The following ARHGEF10 variants were observed in gnomAD, a reference collection of about 807,000 sequenced individuals.
ARHGEF10 encodes Rho guanine nucleotide exchange factor 10, also known as Rho guanine nucleotide exchange factor (GEF) 10.
Under a neutral mutation model 147.4 loss-of-function variants are expected in ARHGEF10, and 140 were observed. The observed-to-expected ratio is 0.95, with a 90% CI of 0.83 to 1.09. The LOEUF (loss-of-function observed/expected upper bound fraction) is 1.09, where lower values mean the gene tolerates loss of function less well. ARHGEF10 is among the 50% of genes least tolerant of loss of function. The pLI, the probability that ARHGEF10 is intolerant of heterozygous loss-of-function variation, is 0.00. For missense variants in ARHGEF10, 2,222 were observed against 1,752.7 expected (o/e 1.27, Z -4.78); for synonymous variants, 902 against 695.8 (o/e 1.30, Z -4.67).
At chr8:1,863,474 G>C (rs1806321236) in intron 4 of ARHGEF10, among the ~76,000 whole-genome samples, 1 of 152,240 alleles carries the variant, frequency 6.6e-6, no homozygotes, top group South Asian at 2.1e-4. Context: ...TTTAGAAAGT[G>C]TTTCATGGAC....
At chr8:1,903,603 G>C (rs769343010) in intron 16 of ARHGEF10, 152 bp downstream of exon 16, 2 of 888,634 alleles carry the variant, frequency 2.3e-6, no homozygotes, top group South Asian at 3.1e-5. Flanking sequence ...GCCTTCGGGA[G>C]AGTCACACCA....
chr8:1,929,781 C>T (rs537863591), intron 25 of ARHGEF10, among the ~76,000 whole-genome samples: 1 of 152,314 alleles, frequency 6.6e-6, no homozygotes, highest in East Asian at 1.9e-4. Flanking sequence ...AGCCTGCCCG[C>T]CCGGCGGGGC....
intron 18 of ARHGEF10, among the ~76,000 whole-genome samples, chr8:1,921,722 C>G (rs138163814): frequency 6.9e-6 from 1 of 144,248 alleles, no homozygotes; most frequent in Non-Finnish European, 1.5e-5. Context: ...GGGACAAGAG[C>G]GACACTTCGT....
chr8:1,922,310 A>C (rs1812356505), intron 18 of ARHGEF10, among the ~76,000 whole-genome samples: 2 of 151,820 alleles, frequency 1.3e-5, no homozygotes, highest in South Asian at 4.2e-4. Context: ...TGGGGAACTC[A>C]TTTTCATGGT....
At chr8:1,849,269 G>A (rs1804789728) in intron 2 of ARHGEF10, among the ~76,000 whole-genome samples, 1 of 151,878 alleles carries the variant, frequency 6.6e-6, no homozygotes, top group East Asian at 1.9e-4. Flanking sequence ...ATGCTGAGAA[G>A]GGCGTAGGGC....
At chr8:1,953,047 T>A (rs1815183181) in intron 28 of ARHGEF10, among the ~76,000 whole-genome samples, 1 of 152,290 alleles carries the variant, frequency 6.6e-6, no homozygotes, top group African/African-American at 2.4e-5. Context: ...AATCTTATGT[T>A]TTTATATTCT....
chr8:1,832,985 GAGACAGAGGCAGAGAC>G (rs1803301216), intron 1 of ARHGEF10, among the ~76,000 whole-genome samples: 2 of 106,348 alleles, frequency 1.9e-5, no homozygotes, highest in African/African-American at 3.7e-5. Context: ...GAGAGAGACA[GAGACAGAGGCAGAGAC>G]AGGCAGAGAG....
chr8:1,894,967 G>C (rs1481311004), intron 13 of ARHGEF10, among the ~76,000 whole-genome samples: 1 of 152,196 alleles, frequency 6.6e-6, no homozygotes, highest in Admixed American at 6.5e-5. Flanking sequence ...TCCTGATCTA[G>C]GTGTCACTTT....
rs997239892 is a variant in ARHGEF10, at chr8:1,957,397, G to A, written c.*134G>A. ...AAAACAGTATTTGGGGGAGAAACGT[G>A]CAATAGCGTAATGGTGGTGTCCCTG... On this transcript the variant is annotated 3_prime_UTR_variant, in exon 29 of 29. Coordinates refer to ENST00000349830, the MANE Select transcript of ARHGEF10 (RefSeq NM_014629.4). 7.8e-7 allele frequency: 1 copy of A among 1,281,436 alleles called. No individual in the cohort carries two copies. Among genetic ancestry groups the A allele is most frequent in the Non-Finnish European group, 1.1e-6 (1 of 928,704 alleles). The allele number at this position is 1,281,436 out of a possible 1,614,324, so 79.4% of individuals were successfully genotyped here.
At chr8:1,832,383 C>T (rs1394378736) in intron 1 of ARHGEF10, among the ~76,000 whole-genome samples, 1 of 46,746 alleles carries the variant, frequency 2.1e-5, no homozygotes, top group African/African-American at 9.9e-5. Context: ...GAGACAGAGG[C>T]AGAGGCAGAG....
intron 5 of ARHGEF10, among the ~76,000 whole-genome samples, chr8:1,866,114 C>T (rs980572559): frequency 2.6e-5 from 4 of 152,194 alleles, no homozygotes; most frequent in Non-Finnish European, 4.4e-5. Flanking sequence ...CTCTTTCTCC[C>T]ACTGACCTGC....
chr8:1,876,343 A>G (rs1563215051), intron 7 of ARHGEF10: 1 of 590,238 alleles, frequency 1.7e-6, no homozygotes, highest in Non-Finnish European at 3.0e-6. Context: ...GGCACTTGTG[A>G]GAAACACCTG....
chr8:1,935,998 T>C (rs1242730410), intron 26 of ARHGEF10, among the ~76,000 whole-genome samples: 2 of 152,216 alleles, frequency 1.3e-5, no homozygotes, highest in Non-Finnish European at 2.9e-5. Flanking sequence ...CCAGCGTGTG[T>C]GTGTGAAGTT....
At chr8:1,839,987 G>GTCCTGTGTGGAAGCTGTCCGATA (rs1563158411) in intron 1 of ARHGEF10, among the ~76,000 whole-genome samples, 1 of 149,022 alleles carries the variant, frequency 6.7e-6, no homozygotes, top group Non-Finnish European at 1.5e-5. Context: ...GCTGTCTGGT[G>GTCCTGTGTGGAAGCTGTCCGATA]TGGGGACTGT....
rs367890432 is a variant in ARHGEF10 at position 1,894,488 on chromosome 8, C to T, written c.1356C>T (p.Cys452=). 3 of 1,614,206 alleles carry T rather than the reference C, an allele frequency of 1.9e-6. No homozygotes were observed. The highest frequency in any genetic ancestry group is 3.3e-5 in the Admixed American group (2 of 60,026). The change falls in exon 13 of 29, where the codon TGC becomes TGT. Residue 452 remains cysteine (C), a synonymous_variant. Coordinates refer to ENST00000349830, the MANE Select transcript of ARHGEF10 (RefSeq NM_014629.4). ...ACCGAGTCAAAGAGATCCTGCAGTGCCACTCGCTATTTCAGATCGCGCTGG... is the reference window on the plus strand; with the variant it reads ...ACCGAGTCAAAGAGATCCTGCAGTGTCACTCGCTATTTCAGATCGCGCTGG... ...VFYRVKEILQ[C]HSLFQIALAS... is the part of the protein sequence containing the mutation.
intron 17 of ARHGEF10, among the ~76,000 whole-genome samples, chr8:1,908,683 G>T (rs1397597450): frequency 6.6e-6 from 1 of 152,174 alleles, no homozygotes; most frequent in Non-Finnish European, 1.5e-5. Context: ...CCGCTACACA[G>T]ATGTTGGCGC....
chr8:1,913,726 C>T (rs1296988828), intron 18 of ARHGEF10, among the ~76,000 whole-genome samples: 1 of 152,218 alleles, frequency 6.6e-6, no homozygotes, highest in Non-Finnish European at 1.5e-5. Context: ...GAAGTCCACT[C>T]AGACCGCCCT....
chr8:1,933,020 C>T (rs911253101), intron 25 of ARHGEF10, among the ~76,000 whole-genome samples: 1 of 152,006 alleles, frequency 6.6e-6, no homozygotes, highest in Non-Finnish European at 1.5e-5. Flanking sequence ...TAAATCTTGC[C>T]TCAAATAATT....
Position 1,905,711 on chromosome 8 carries a change from C to G in ARHGEF10, c.1962C>G (p.Ser654Arg), listed in dbSNP as rs1046849525. Residue 654 changes from serine to arginine, a missense_variant, in exon 17 of 29, where the codon AGC becomes AGG. Ser to Arg is a moderately radical substitution (Grantham distance 110, BLOSUM62 -1). Transcript: ENST00000349830. Reference protein sequence around the residue: ...LNDVLMCATVSSRPSHDSRVM... With the variant: ...LNDVLMCATVRSRPSHDSRVM... ...ATGTGTTAATGTGTGCCACCGTCAGCTCACGGTAAGTGCATAAATTCTCTA... is the reference window on the plus strand; with the variant it reads ...ATGTGTTAATGTGTGCCACCGTCAGGTCACGGTAAGTGCATAAATTCTCTA... The G allele has an allele frequency of 1.2e-6, 2 of 1,613,750 alleles. No homozygotes were observed. Among genetic ancestry groups the G allele is most frequent in the Non-Finnish European group, 1.7e-6 (2 of 1,180,040 alleles).
Sources: allele counts gnomAD v4.1 joint callset (sites outside exome capture counted in the v4.1 genomes callset), GRCh38; gene constraint gnomAD v4.1.1; transcripts MANE v1.5; gene names NCBI Gene and HGNC (gene_info 2026-07-23, HGNC 2026-07-21).